Variants in MYOF observed in about 807,000 individuals in gnomAD.
The protein encoded by MYOF is fer-1-like 3, myoferlin.
In MYOF, 244 loss-of-function variants were observed where a neutral mutation model predicts 284.2. The ratio of observed to expected loss-of-function variants is 0.86; its 90% CI spans 0.77 to 0.95. The LOEUF is 0.95. MYOF is among the 40% of genes least tolerant of loss of function. MYOF has a pLI of 0.00. For synonymous variants in MYOF, 904 were observed against 919.7 expected (o/e 0.98, Z 0.31); for missense variants, 2,496 against 2,560.6 (o/e 0.97, Z 0.54).
chr10:93,428,949 A>G (rs1173664024), intron 4 of MYOF, among the ~76,000 whole-genome samples: 1 of 152,198 alleles, frequency 6.6e-6, no homozygotes, highest in Non-Finnish European at 1.5e-5. Flanking sequence ...CAAAAGGGTA[A>G]GAGGAATTAC....
intron 36 of MYOF, among the ~76,000 whole-genome samples, chr10:93,349,341 T>C (rs1053672089): frequency 6.6e-6 from 1 of 152,030 alleles, no homozygotes; most frequent in Admixed American, 6.6e-5. Context: ...CACCTGGAGG[T>C]GGGGCACAGT....
chr10:93,324,254 A>G (rs373532884), intron 46 of MYOF: 3 of 152,254 alleles, frequency 2.0e-5, no homozygotes, highest in Admixed American at 6.5e-5. Context: ...GTCTTCAGAC[A>G]AAAACAAACT....
intron 49 of MYOF, 82 bp downstream of exon 49, chr10:93,319,790 G>C: frequency 6.3e-7 from 1 of 1,577,578 alleles, no homozygotes; most frequent in Non-Finnish European, 8.7e-7. Flanking sequence ...CCGAGATCCT[G>C]AGCAGCTCCA....
At position 93,343,861 on chromosome 10, in the gene MYOF, A is replaced by T. The variant is rs1365651670; in HGVS notation, c.4321T>A (p.Ser1441Thr). ...TGATCAGCTCTGAAGCCTACCTTAG[A>T]AGCCAGTAATGGTTTGGTGTCTTCC... ...EMEDTKPLLASKLTEKEEEIV... is the reference protein window; with the variant it reads ...EMEDTKPLLATKLTEKEEEIV... The change falls in exon 38 of 54, where the codon TCT becomes ACT. Residue 1441 changes from serine to threonine, a missense_variant. Around this residue, in one of 3 missense-constraint regions of MYOF, gnomAD observed 2,436 missense variants for 2,480.7 expected, o/e 0.98. Transcript: ENST00000359263. The T allele has an allele frequency of 6.2e-7, 1 of 1,614,066 alleles. No homozygotes were observed. Among genetic ancestry groups the T allele is most frequent in the African/African-American group, 1.3e-5 (1 of 74,946 alleles).
intron 53 of MYOF, among the ~76,000 whole-genome samples, chr10:93,307,233 C>T (rs945830714): frequency 1.3e-5 from 2 of 151,904 alleles, no homozygotes; most frequent in African/African-American, 4.8e-5. Context: ...CAGACGTTGG[C>T]AAATGTCCTC....
In MYOF at chr10:93,458,431, G is replaced by A. The variant is rs2056795390; in HGVS notation, c.89-1494C>T. The stretch of plus-strand genomic sequence containing the variant: ...ACAGCTAAGGAAACTGAGAAGCTGA[G>A]TAACATTCAAAGTCACCCAGTTGGC... On this transcript the variant is annotated intron_variant, in intron 1 of 53. Coordinates refer to ENST00000359263, the MANE Select transcript of MYOF (RefSeq NM_013451.4). Among the ~76,000 whole-genome samples, 5 of 152,126 alleles carry A rather than the reference G, an allele frequency of 3.3e-5. No homozygotes were observed. The South Asian group carries it at 1.0e-3, about 32-fold the overall frequency.
chr10:93,366,571 T>A lies in MYOF; in HGVS notation c.2590-16A>T. Reference sequence around the variant, plus strand: ...GATTTTCATACTATTAAAAAAGAGATAAAATTGGAGAAACACCATCAGAGA... The same window carrying A: ...GATTTTCATACTATTAAAAAAGAGAAAAAATTGGAGAAACACCATCAGAGA... On this transcript the variant is annotated splice_polypyrimidine_tract_variant and intron_variant, in intron 25 of 53. Transcript: ENST00000359263. 6.3e-7 allele frequency: 1 copy of A among 1,581,408 alleles called. No homozygotes were observed. Among genetic ancestry groups the A allele is most frequent in the East Asian group, 2.2e-5 (1 of 44,524 alleles).
intron 41 of MYOF, 40 bp from the exon 42 acceptor site, chr10:93,333,953 G>A (rs763029520): frequency 6.3e-7 from 1 of 1,594,856 alleles, no homozygotes; most frequent in East Asian, 2.3e-5. Flanking sequence ...GGCCCTGGGT[G>A]GCCCAGGTAG....
At chr10:93,368,101 AG>A (rs1845412327) in intron 25 of MYOF, among the ~76,000 whole-genome samples, 1 of 152,136 alleles carries the variant, frequency 6.6e-6, no homozygotes, top group Non-Finnish European at 1.5e-5. Flanking sequence ...ACAGAGCTGG[AG>A]GGCAGGTAGA....
chr10:93,396,891 A>G (rs1249694851), intron 15 of MYOF, among the ~76,000 whole-genome samples: 1 of 152,208 alleles, frequency 6.6e-6, no homozygotes, highest in Non-Finnish European at 1.5e-5. Context: ...TTAAACAATA[A>G]CAATGAATTG....
In MYOF at chr10:93,387,790, C is replaced by T. The variant is rs1373696371; in HGVS notation, c.1698+7G>A. 1.2e-6 allele frequency: 2 copies of T among 1,610,276 alleles called. No individual in the cohort carries two copies. The highest frequency in any genetic ancestry group is 2.2e-5 in the East Asian group (1 of 44,848). ...ATACCATGCATTACTCACACTTTAA[C>T]ATTTACCTCAACAACCAGCAGGTCA... On this transcript the variant is annotated splice_region_variant and intron_variant, in intron 19 of 53. Coordinates refer to ENST00000359263, the MANE Select transcript of MYOF (RefSeq NM_013451.4).
Position 93,397,203 on chromosome 10 carries a change from G to A in MYOF, c.1334+44C>T. 3 of 1,454,220 alleles carry A rather than the reference G, an allele frequency of 2.1e-6. No homozygotes were observed. In the African/African-American group the frequency reaches 4.2e-5, roughly 21 times the overall value. The allele number at this position is 1,454,220 out of a possible 1,614,324, so 90.1% of individuals were successfully genotyped here. On this transcript the variant is annotated intron_variant, in intron 15 of 53. Coordinates refer to ENST00000359263, the MANE Select transcript of MYOF (RefSeq NM_013451.4). Reference sequence around the variant, plus strand: ...AGAGTAATGTTTCACAATATCCAATGTTTATTTTATGTTGAATTAGACACA... The same window carrying A: ...AGAGTAATGTTTCACAATATCCAATATTTATTTTATGTTGAATTAGACACA...
chr10:93,337,759 G>A, intron 40 of MYOF, 56 bp downstream of exon 40: 9 of 1,454,284 alleles, frequency 6.2e-6, no homozygotes, highest in South Asian at 1.2e-5. Context: ...AGCTCTGCCT[G>A]TGGCCAGTTT....
At chr10:93,366,776 C>T (rs1390067475) in intron 25 of MYOF, among the ~76,000 whole-genome samples, 1 of 152,188 alleles carries the variant, frequency 6.6e-6, no homozygotes, top group East Asian at 1.9e-4. Context: ...CATCTGAAAT[C>T]TGAGGATAAT....
chr10:93,452,567 A>AG (rs1192374145), intron 2 of MYOF, among the ~76,000 whole-genome samples: 1 of 68,760 alleles, frequency 1.5e-5, no homozygotes, highest in Non-Finnish European at 2.6e-5. Flanking sequence ...GGGTGGGGGG[A>AG]GGGGGGAGGG....
At chr10:93,352,797 A>C (rs770614487) in intron 32 of MYOF, among the ~76,000 whole-genome samples, 1 of 151,210 alleles carries the variant, frequency 6.6e-6, no homozygotes, top group Non-Finnish European at 1.5e-5. Context: ...AACTTTGGAA[A>C]GATGTTTTTT....
chr10:93,310,665 T>G, intron 51 of MYOF, 22 bp from the exon 52 acceptor site: 1 of 1,602,608 alleles, frequency 6.2e-7, no homozygotes, highest in Non-Finnish European at 8.5e-7. Flanking sequence ...CAGAGCAGGT[T>G]AAACATATGA....
chr10:93,396,307 TA>T (rs964688088), intron 15 of MYOF, 83 bp from the exon 16 acceptor site: 118 of 1,017,270 alleles, frequency 1.2e-4, no homozygotes, highest in South Asian at 2.3e-4. Flanking sequence ...TTTCAACAAT[TA>T]AAAAAAAGTT....
intron 29 of MYOF, 124 bp from the exon 30 acceptor site, chr10:93,356,972 C>G (rs1270546953): frequency 5.9e-6 from 6 of 1,019,228 alleles, no homozygotes; most frequent in Non-Finnish European, 4.2e-6. Context: ...GTGCCAAGTA[C>G]TGAGCTAGAG....
Sources: allele counts gnomAD v4.1 joint callset (sites outside exome capture counted in the v4.1 genomes callset), GRCh38; gene constraint gnomAD v4.1.1; regional missense constraint gnomAD v4.1.1; transcripts MANE v1.5; gene names NCBI Gene and HGNC (gene_info 2026-07-23, HGNC 2026-07-21).